Variants in MYCBP2 observed in about 807,000 individuals in gnomAD.
MYCBP2 encodes the protein E3 ubiquitin-protein ligase MYCBP2.
Under a neutral mutation model 525.3 loss-of-function variants are expected in MYCBP2, and 120 were observed. The ratio of observed to expected loss-of-function variants is 0.23; its 90% CI spans 0.20 to 0.27. The LOEUF is 0.27. MYCBP2 is among the 10% of genes least tolerant of loss of function. MYCBP2 has a pLI of 1.00. For synonymous variants in MYCBP2, 1,894 were observed against 1,955.8 expected, an observed-to-expected ratio of 0.97 and a Z score of 0.83; for missense variants, 4,149 against 5,657.1, an observed-to-expected ratio of 0.73 and a Z score of 8.55.
At chr13:77,189,414 G>GT (rs2061078386) in intron 29 of MYCBP2, among the ~76,000 whole-genome samples, 1 of 152,108 alleles carries the variant, frequency 6.6e-6, no homozygotes, top group Non-Finnish European at 1.5e-5. Context: ...AACACGTTAT[G>GT]TTTGTAGAGC....
chr13:77,163,049 CT>C lies in MYCBP2; in HGVS notation c.6548-1095del, dbSNP rs111724751. ...GCTTTCCTTGTTAGGCTGTATAGGT[CT>C]ACTTTTTCAAAGAGCTGCATATACT... On this transcript the variant is annotated intron_variant, in intron 43 of 82. Coordinates refer to ENST00000544440, the MANE Select transcript of MYCBP2 (RefSeq NM_015057.5). Among the ~76,000 whole-genome samples, 790 of 152,258 alleles carry C rather than the reference CT, an allele frequency of 5.2e-3. 6 individuals carry two copies. Among genetic ancestry groups the C allele is most frequent in the African/African-American group, 0.018 (737 of 41,546 alleles).
Position 77,098,283 on chromosome 13 carries a change from A to G in MYCBP2, c.8871T>C (p.Phe2957=). The G allele has an allele frequency of 6.2e-7, 1 of 1,612,158 alleles. No homozygotes were observed. The highest frequency in any genetic ancestry group is 8.5e-7 in the Non-Finnish European group (1 of 1,179,802). ...TDSTCDDSSE[F]KSVDEGSNKV... is the part of the protein sequence containing the mutation. ...TATTTGAACCTTCATCCACACTCTT[A>G]AATTCACTGCTGTCATCGCAGGTGC... The change falls in exon 56 of 83, where the codon TTT becomes TTC. Residue 2957 remains phenylalanine (F), a synonymous_variant. Coordinates refer to ENST00000544440, the MANE Select transcript of MYCBP2 (RefSeq NM_015057.5).
chr13:77,119,472 A>G (rs906916016), intron 55 of MYCBP2, among the ~76,000 whole-genome samples: 1 of 152,148 alleles, frequency 6.6e-6, no homozygotes, highest in African/African-American at 2.4e-5. Context: ...TTTTTGAAAT[A>G]ATAAATAAAT....
At chr13:77,241,069 G>A (rs1201741036) in intron 17 of MYCBP2, among the ~76,000 whole-genome samples, 7 of 151,964 alleles carry the variant, frequency 4.6e-5, no homozygotes, top group Admixed American at 3.3e-4. Context: ...TGGAAAGTCA[G>A]ATACAACAAC....
At chr13:77,195,601 T>A (rs945044207) in intron 26 of MYCBP2, among the ~76,000 whole-genome samples, 6 of 144,240 alleles carry the variant, frequency 4.2e-5, no homozygotes, top group African/African-American at 7.3e-5. Flanking sequence ...TAAAAAAAAA[T>A]AGTCCGAAAT....
chr13:77,253,503 G>A (rs916425194), intron 14 of MYCBP2, among the ~76,000 whole-genome samples: 2 of 151,722 alleles, frequency 1.3e-5, no homozygotes, highest in Admixed American at 6.6e-5. Context: ...AAAAGAAACT[G>A]GACACAAAAG....
chr13:77,093,686 C>A (rs2045789028), intron 58 of MYCBP2, among the ~76,000 whole-genome samples: 2 of 152,080 alleles, frequency 1.3e-5, no homozygotes, highest in South Asian at 4.1e-4. Context: ...TCTTTCAAGC[C>A]CATGATATTA....
At chr13:77,217,357 G>C (rs920663220) in intron 21 of MYCBP2, among the ~76,000 whole-genome samples, 2 of 152,102 alleles carry the variant, frequency 1.3e-5, no homozygotes, top group Non-Finnish European at 2.9e-5. Flanking sequence ...GAGAGGGAGA[G>C]AATGTGCACA....
At chr13:77,088,438 T>G (rs2044750548) in intron 61 of MYCBP2, among the ~76,000 whole-genome samples, 1 of 152,136 alleles carries the variant, frequency 6.6e-6, no homozygotes, top group Non-Finnish European at 1.5e-5. Flanking sequence ...TCCTATTATT[T>G]CCAGAGACCA....
chr13:77,156,000 T>G, intron 46 of MYCBP2, 58 bp downstream of exon 46: 1 of 1,512,762 alleles, frequency 6.6e-7, no homozygotes. Flanking sequence ...TTCTAAAATT[T>G]TATCAGTCAT....
At chr13:77,312,647 C>G (rs2080404837) in intron 1 of MYCBP2, among the ~76,000 whole-genome samples, 1 of 151,486 alleles carries the variant, frequency 6.6e-6, no homozygotes, top group Admixed American at 6.6e-5. Flanking sequence ...CCAATAATCC[C>G]AAAATATAAT....
In MYCBP2 at chr13:77,169,719, A is replaced by G; in HGVS notation, c.5795-5T>C. 13 of 1,610,168 alleles carry G rather than the reference A, an allele frequency of 8.1e-6. No homozygotes were observed. The highest frequency in any genetic ancestry group is 1.1e-5 in the Non-Finnish European group (13 of 1,176,668). ...GCAGTTCTGGAATGTCATCAGCTAAAAAAAGGCATAAAAGGCATTAAAACT... is the reference window on the plus strand; with the variant it reads ...GCAGTTCTGGAATGTCATCAGCTAAGAAAAGGCATAAAAGGCATTAAAACT... On this transcript the variant is annotated splice_region_variant and splice_polypyrimidine_tract_variant and intron_variant, in intron 38 of 82. Transcript: ENST00000544440.
chr13:77,309,524 G>A (rs539259215), intron 1 of MYCBP2, among the ~76,000 whole-genome samples: 71 of 152,240 alleles, frequency 4.7e-4, no homozygotes, highest in African/African-American at 1.7e-3. Flanking sequence ...TCAGAGAGAA[G>A]AATCCCAAGA....
intron 59 of MYCBP2, among the ~76,000 whole-genome samples, chr13:77,091,588 C>T (rs1282394393): frequency 6.6e-6 from 1 of 152,116 alleles, no homozygotes; most frequent in Admixed American, 6.6e-5. Flanking sequence ...ACATCCCTGG[C>T]CTCAACTCAC....
chr13:77,251,253 T>C lies in MYCBP2; in HGVS notation c.2279A>G (p.Lys760Arg), dbSNP rs2071159588. ...KSMMCPPGMH[K>R]WKLEQCMVCT... ...AACCATGCACTGCTCCAGCTTCCAT[T>C]TGTGCATGCCTGGAGGGCACATCAT... is the stretch of plus-strand genomic sequence containing the variant. The change falls in exon 15 of 83, where the codon AAA becomes AGA. Residue 760 changes from lysine to arginine, a missense_variant. Physicochemically the swap from Lys to Arg is conservative, Grantham distance 26 (BLOSUM62 2). Around this residue, in one of 21 missense-constraint regions of MYCBP2, gnomAD observed 620 missense variants for 795.5 expected, o/e 0.78. Transcript: ENST00000544440. 6.2e-7 allele frequency: 1 copy of C among 1,614,080 alleles called. No homozygotes were observed. The highest frequency in any genetic ancestry group is 8.5e-7 in the Non-Finnish European group (1 of 1,180,022).
At chr13:77,103,449 A>C (rs1228266230) in intron 55 of MYCBP2, 2 of 389,864 alleles carry the variant, frequency 5.1e-6, no homozygotes, top group East Asian at 3.6e-5. Flanking sequence ...ATTCTGCTAT[A>C]TTTTTGAACA....
chr13:77,202,763 C>A (rs1464845202), intron 26 of MYCBP2, among the ~76,000 whole-genome samples: 1 of 152,110 alleles, frequency 6.6e-6, no homozygotes, highest in Non-Finnish European at 1.5e-5. Flanking sequence ...TAAATGTAAT[C>A]CAGCATATAA....
Position 77,126,478 on chromosome 13 carries a change from G to C in MYCBP2, c.7724C>G (p.Thr2575Arg). ...GAATGGCATATCTTGTTCTTGCATT[G>C]TTGCTTCCTGTGGGCAGCAGGAGTT... ...DINSCCPQEATMQEQDMPFLR... is the reference protein window; with the variant it reads ...DINSCCPQEARMQEQDMPFLR... Residue 2575 changes from threonine (T) to arginine (R), a missense_variant, in exon 53 of 83, where the codon ACA (threonine) becomes AGA (arginine). Physicochemically the swap from Thr to Arg is moderately conservative, Grantham distance 71. This residue lies in a region of MYCBP2 where 692 missense variants were observed against 852.7 expected (regional missense o/e 0.81). Coordinates refer to ENST00000544440, the MANE Select transcript of MYCBP2 (RefSeq NM_015057.5). 2 of 1,613,874 alleles carry C rather than the reference G, an allele frequency of 1.2e-6. No individual in the cohort carries two copies. Among genetic ancestry groups the C allele is most frequent in the Non-Finnish European group, 1.7e-6 (2 of 1,179,834 alleles).
intron 18 of MYCBP2, among the ~76,000 whole-genome samples, chr13:77,227,517 C>A (rs975110847): frequency 1.6e-4 from 23 of 145,182 alleles, no homozygotes; most frequent in East Asian, 1.4e-3. Flanking sequence ...CACACACACA[C>A]AAATACATAT....
Sources: gnomAD v4.1 joint callset for allele counts (sites outside exome capture counted in the v4.1 genomes callset) on GRCh38, gnomAD v4.1.1 for gene constraint, gnomAD v4.1.1 regional missense constraint, MANE v1.5 for transcripts, NCBI Gene and HGNC (gene_info 2026-07-23, HGNC 2026-07-21) for gene names.